The following PANK1 variants were observed in gnomAD, a reference collection of about 807,000 sequenced individuals.
PANK1 encodes the protein pantothenate kinase 1.
In PANK1, 18 loss-of-function variants were observed where a neutral mutation model predicts 40.1. The ratio of observed to expected loss-of-function variants is 0.45; its 90% CI spans 0.31 to 0.67. The LOEUF (loss-of-function observed/expected upper bound fraction) is 0.67, where lower values mean the gene tolerates loss of function less well. Ranked by LOEUF, PANK1 falls within the 30% of genes least tolerant of loss-of-function variation. PANK1 has a pLI of 0.06. For synonymous variants in PANK1, 242 were observed against 237.7 expected (o/e 1.02, Z -0.17); for missense variants, 457 against 599.6 (o/e 0.76, Z 2.48).
chr10:89,597,043 C>A (rs1237745451), intron 3 of PANK1, among the ~76,000 whole-genome samples: 1 of 152,104 alleles, frequency 6.6e-6, no homozygotes, highest in Non-Finnish European at 1.5e-5. Flanking sequence ...TAAAAGGAAA[C>A]TGACATCCTG....
At chr10:89,631,976 G>GTTTT (rs68094860) in intron 1 of PANK1, among the ~76,000 whole-genome samples, 11 of 143,302 alleles carry the variant, frequency 7.7e-5, no homozygotes, top group African/African-American at 2.1e-4. Flanking sequence ...GTGTGTGTGT[G>GTTTT]TTTTTTTTTT....
chr10:89,642,848 C>T (rs1180499389), intron 1 of PANK1, among the ~76,000 whole-genome samples: 2 of 152,026 alleles, frequency 1.3e-5, no homozygotes, highest in Non-Finnish European at 2.9e-5. Context: ...TTTGACGAAC[C>T]GTTTTTTAAA....
chr10:89,586,254 T>G (rs1844192528), intron 6 of PANK1, among the ~76,000 whole-genome samples: 1 of 152,248 alleles, frequency 6.6e-6, no homozygotes, highest in African/African-American at 2.4e-5. Flanking sequence ...TATTTTTTAT[T>G]GCTAAAAATG....
At chr10:89,594,238 G>A (rs1369675197) in intron 3 of PANK1, among the ~76,000 whole-genome samples, 1 of 152,178 alleles carries the variant, frequency 6.6e-6, no homozygotes, top group African/African-American at 2.4e-5. Context: ...GACTCTCACT[G>A]ATTTCTGTTG....
intron 1 of PANK1, chr10:89,643,701 CT>C (rs1406957380): frequency 3.1e-6 from 5 of 1,613,134 alleles, no homozygotes; most frequent in Non-Finnish European, 4.2e-6. Flanking sequence ...ACTTACTTTG[CT>C]TTTTGCCATT....
At position 89,595,546 on chromosome 10, in the gene PANK1, G is replaced by A. The variant is rs374800112; in HGVS notation, c.900-1557C>T. ...AAAGTATACTTGATTGAGGCCAGGC[G>A]TGGTGGCTTATGCCTGTAATCCCAG... is the stretch of plus-strand genomic sequence containing the variant. On this transcript the variant is annotated intron_variant, in intron 3 of 6. Coordinates refer to ENST00000307534, the MANE Select transcript of PANK1 (RefSeq NM_148977.3). Among the ~76,000 whole-genome samples the A allele has an allele frequency of 6.3e-4, 96 of 151,580 alleles. 2 individuals are homozygous for A. In the South Asian group the frequency reaches 0.018, roughly 28 times the overall value.
At chr10:89,599,123 A>G in intron 3 of PANK1, 129 bp downstream of exon 3, 1 of 779,404 alleles carries the variant, frequency 1.3e-6, no homozygotes, top group African/African-American at 1.8e-5. Context: ...CATTTGATAA[A>G]TTCTTTTTGG....
At chr10:89,613,718 C>T (rs1185955495) in intron 1 of PANK1, among the ~76,000 whole-genome samples, 3 of 152,154 alleles carry the variant, frequency 2.0e-5, no homozygotes, top group African/African-American at 7.2e-5. Context: ...CTCGCTTGTC[C>T]TAGCAGGAGA....
intron 1 of PANK1, among the ~76,000 whole-genome samples, chr10:89,629,756 C>T (rs899358289): frequency 4.6e-5 from 7 of 152,176 alleles, no homozygotes; most frequent in Non-Finnish European, 7.3e-5. Flanking sequence ...TTGGATTACA[C>T]AATTTGAAGA....
intron 1 of PANK1, among the ~76,000 whole-genome samples, chr10:89,626,797 A>C (rs13376985): frequency 0.028 from 4,326 of 152,206 alleles, 184 homozygotes; most frequent in African/African-American, 0.098. Context: ...GCCCGGCACT[A>C]AGGCTCAAGA....
At chr10:89,581,146 C>T (rs1844043778), downstream of PANK1, 1 of 151,764 alleles carries the variant, frequency 6.6e-6, no homozygotes, top group African/African-American at 2.4e-5. Context: ...CACTTGATGA[C>T]TGATGTTGGC....
chr10:89,644,640 C>T lies in PANK1; in HGVS notation c.252G>A (p.Arg84=), dbSNP rs567385024. ...PQHDSPAKKC[R]LRRRMDSGRK... is the part of the protein sequence containing the mutation. ...TCCCCGAGTCCATCCTCCTCCGCAG[C>T]CGGCATTTCTTGGCCGGGGAGTCAT... The change falls in exon 1 of 7, where the codon CGG becomes CGA. Residue 84 remains arginine (R), a synonymous_variant. Transcript: ENST00000307534. The T allele has an allele frequency of 6.3e-7, 1 of 1,586,028 alleles. No individual in the cohort carries two copies. The highest frequency in any genetic ancestry group is 2.3e-5 in the East Asian group (1 of 43,118).
intron 2 of PANK1, among the ~76,000 whole-genome samples, chr10:89,610,762 T>C (rs1378169380): frequency 9.2e-5 from 14 of 152,216 alleles, no homozygotes; most frequent in Admixed American, 9.2e-4. Flanking sequence ...TACCTCACTA[T>C]ATGTTCAACT....
intron 3 of PANK1, 37 bp from the exon 4 acceptor site, chr10:89,594,026 T>G: frequency 6.7e-7 from 1 of 1,501,126 alleles, no homozygotes; most frequent in Non-Finnish European, 9.3e-7. Context: ...AAATTTTACT[T>G]TAAGATATGC....
rs1432926309 is a variant in PANK1 at position 89,644,966 on chromosome 10, T to A, written c.-75A>T. ...TGGAGGTCATTCTCCGGCGTCTTTATTTCCCCGGATCCTCCCTGCGGCTTC... is the reference window on the plus strand; with the variant it reads ...TGGAGGTCATTCTCCGGCGTCTTTAATTCCCCGGATCCTCCCTGCGGCTTC... On this transcript the variant is annotated 5_prime_UTR_variant, in exon 1 of 7. Transcript: ENST00000307534. 6.4e-7 allele frequency: 1 copy of A among 1,574,268 alleles called. No individual in the cohort carries two copies. Among genetic ancestry groups the A allele is most frequent in the Non-Finnish European group, 8.6e-7 (1 of 1,163,504 alleles).
At chr10:89,593,757 G>C in intron 4 of PANK1, 56 bp downstream of exon 4, 1 of 1,318,836 alleles carries the variant, frequency 7.6e-7, no homozygotes, top group Middle Eastern at 1.8e-4. Context: ...GAATGGCCAG[G>C]GTGGAGAGGC....
rs200648550 is a variant in PANK1 at position 89,633,530 on chromosome 10, TA to T, written c.292+11069del. On this transcript the variant is annotated intron_variant, in intron 1 of 6. Coordinates refer to ENST00000307534, the MANE Select transcript of PANK1 (RefSeq NM_148977.3). ...CACCCTAAAAACATTAACAGCCCTTTAATTTTTTTTTTTAAATCAAACATAG... is the reference window on the plus strand; with the variant it reads ...CACCCTAAAAACATTAACAGCCCTTTATTTTTTTTTTTAAATCAAACATAG... Among the ~76,000 whole-genome samples, 363 of 124,704 alleles carry T rather than the reference TA, an allele frequency of 2.9e-3. 3 individuals are homozygous for T. Among genetic ancestry groups the T allele is most frequent in the African/African-American group, 8.4e-3 (328 of 38,954 alleles). The allele number at this position is 124,704 out of a possible 152,430, so 81.8% of individuals were successfully genotyped here.
chr10:89,601,656 T>G (rs1006821157), intron 2 of PANK1, among the ~76,000 whole-genome samples: 19 of 152,176 alleles, frequency 1.2e-4, no homozygotes, highest in Non-Finnish European at 2.6e-4. Context: ...ACCAACCAGA[T>G]AGTGGATGTA....
intron 2 of PANK1, among the ~76,000 whole-genome samples, chr10:89,603,463 T>C (rs1844846670): frequency 6.6e-6 from 1 of 152,074 alleles, no homozygotes; most frequent in Non-Finnish European, 1.5e-5. Flanking sequence ...CTGTAAATAA[T>C]GGAAGCTAAT....
Sources: allele counts gnomAD v4.1 joint callset (sites outside exome capture counted in the v4.1 genomes callset), GRCh38; gene constraint gnomAD v4.1.1; transcripts MANE v1.5; gene names NCBI Gene and HGNC (gene_info 2026-07-23, HGNC 2026-07-21).